The following SMOC1 variants were observed in gnomAD, a reference collection of about 807,000 sequenced individuals.
The protein encoded by SMOC1 is SPARC-related modular calcium-binding protein 1.
A neutral mutation model predicts 56.3 loss-of-function variants in SMOC1; 22 were observed. The ratio of observed to expected loss-of-function variants is 0.39; its 90% CI spans 0.28 to 0.56. SMOC1 has a LOEUF of 0.56. Ranked by LOEUF, SMOC1 falls within the 20% of genes least tolerant of loss-of-function variation. SMOC1 has a pLI of 0.61. For synonymous variants in SMOC1, 193 were observed against 215.0 expected (o/e 0.90, Z 0.89); for missense variants, 509 against 565.4 (o/e 0.90, Z 1.01).
chr14:69,906,336 G>A (rs1289703956), intron 1 of SMOC1, among the ~76,000 whole-genome samples: 1 of 152,194 alleles, frequency 6.6e-6, no homozygotes, highest in Non-Finnish European at 1.5e-5. Context: ...CACTATGTAA[G>A]AATCAGAGGC....
intron 1 of SMOC1, among the ~76,000 whole-genome samples, chr14:69,888,465 C>G (rs894862103): frequency 2.0e-5 from 3 of 152,182 alleles, no homozygotes; most frequent in East Asian, 1.9e-4. Context: ...GGCAGCCTCT[C>G]TAAGACAGGA....
At chr14:70,029,597 G>T (rs184824476) in intron 11 of SMOC1, among the ~76,000 whole-genome samples, 33 of 152,316 alleles carry the variant, frequency 2.2e-4, no homozygotes, top group Non-Finnish European at 3.8e-4. Context: ...AGAGGACAGA[G>T]ACCCAGCATA....
At chr14:70,006,953 C>G (rs1330507689) in intron 7 of SMOC1, among the ~76,000 whole-genome samples, 3 of 152,214 alleles carry the variant, frequency 2.0e-5, no homozygotes, top group Non-Finnish European at 4.4e-5. Flanking sequence ...CTCTAACATT[C>G]TATTGGCCAA....
intron 11 of SMOC1, among the ~76,000 whole-genome samples, chr14:70,025,678 A>G (rs1023903368): frequency 3.9e-5 from 6 of 152,246 alleles, no homozygotes; most frequent in African/African-American, 1.4e-4. Flanking sequence ...CTGGTTGAGC[A>G]TCCCAAATCC....
intron 1 of SMOC1, among the ~76,000 whole-genome samples, chr14:69,919,176 C>T (rs1437552085): frequency 6.6e-6 from 1 of 152,136 alleles, no homozygotes; most frequent in Non-Finnish European, 1.5e-5. Context: ...ATTCCTGTTG[C>T]TGCCTTATAT....
At chr14:69,884,524 G>C (rs769175000) in intron 1 of SMOC1, among the ~76,000 whole-genome samples, 1 of 152,056 alleles carries the variant, frequency 6.6e-6, no homozygotes, top group Non-Finnish European at 1.5e-5. Flanking sequence ...CAAAGTCATG[G>C]AGCTTTCCCC....
chr14:70,017,463 G>A (rs1885558679), intron 10 of SMOC1, among the ~76,000 whole-genome samples: 1 of 152,206 alleles, frequency 6.6e-6, no homozygotes, highest in Non-Finnish European at 1.5e-5. Context: ...GGCAGAGTTG[G>A]GGCTACAGGC....
intron 7 of SMOC1, among the ~76,000 whole-genome samples, chr14:70,001,068 T>C (rs1483656964): frequency 6.6e-6 from 1 of 152,152 alleles, no homozygotes; most frequent in Non-Finnish European, 1.5e-5. Context: ...AGCCTTCCCC[T>C]TAACCCAGCC....
intron 3 of SMOC1, among the ~76,000 whole-genome samples, chr14:69,954,503 G>A (rs1883118296): frequency 1.3e-5 from 2 of 152,206 alleles, no homozygotes; most frequent in Admixed American, 1.3e-4. Context: ...AGGCAATGGT[G>A]GGACAGAAAG....
chr14:69,977,926 A>G lies in SMOC1; in HGVS notation c.487A>G (p.Thr163Ala). 1.2e-6 allele frequency: 2 copies of G among 1,614,078 alleles called. No individual in the cohort carries two copies. The highest frequency in any genetic ancestry group is 1.7e-6 in the Non-Finnish European group (2 of 1,179,924). Residue 163 changes from threonine (T) to alanine (A), a missense_variant, in exon 5 of 12, where the codon ACC becomes GCC. Thr to Ala is a moderately conservative substitution (Grantham distance 58). Transcript: ENST00000361956. Reference sequence around the variant, plus strand: ...TTCCCTTCTCACCCAAGGTTCAGTCACCGACAAGCCCTTGAGCCAGGGTAA... The same window carrying G: ...TTCCCTTCTCACCCAAGGTTCAGTCGCCGACAAGCCCTTGAGCCAGGGTAA... ...NKTPVCSGSV[T>A]DKPLSQGNSG...
At chr14:70,023,515 T>C in intron 11 of SMOC1, 68 bp downstream of exon 11, 3 of 1,603,054 alleles carry the variant, frequency 1.9e-6, no homozygotes, top group Non-Finnish European at 2.6e-6. Flanking sequence ...GACCAAGGGC[T>C]CTCTGATAAA....
chr14:70,030,253 G>C lies in SMOC1; in HGVS notation c.1303G>C (p.Val435Leu), dbSNP rs192204434. ...CTTCCTTCTCTCAGTAGGACGCCTC[G>C]TCTAAGGAGCAGAAAACCCAAGGGC... ...LGVSKEVGRLV is the reference protein window; with the variant it reads ...LGVSKEVGRLL The change falls in exon 12 of 12, where the codon GTC (valine) becomes CTC (leucine). Residue 435 changes from valine to leucine, a missense_variant. By Grantham distance (32) the Val-to-Leu change is conservative. This residue lies in a region of SMOC1 where 176 missense variants were observed against 188.1 expected (regional missense o/e 0.94). Transcript: ENST00000361956. The C allele has an allele frequency of 1.2e-6, 2 of 1,603,922 alleles. No individual in the cohort carries two copies.
chr14:69,995,546 G>A (rs1249527237), intron 7 of SMOC1, among the ~76,000 whole-genome samples: 1 of 152,206 alleles, frequency 6.6e-6, no homozygotes, highest in Admixed American at 6.5e-5. Flanking sequence ...TTAAAGCACA[G>A]GCTTTGGAAT....
At chr14:70,027,139 A>G (rs1203245425) in intron 11 of SMOC1, among the ~76,000 whole-genome samples, 1 of 152,222 alleles carries the variant, frequency 6.6e-6, no homozygotes, top group African/African-American at 2.4e-5. Flanking sequence ...GCCCAGAGCT[A>G]GAAGGCTCTG....
intron 9 of SMOC1, among the ~76,000 whole-genome samples, chr14:70,011,824 G>A (rs570866213): frequency 3.3e-4 from 51 of 152,334 alleles, no homozygotes; most frequent in Admixed American, 5.2e-4. Flanking sequence ...TCCACAATGC[G>A]TTGTCCATCT....
At chr14:69,984,782 A>ACT (rs1884306879) in intron 5 of SMOC1, among the ~76,000 whole-genome samples, 1 of 151,954 alleles carries the variant, frequency 6.6e-6, no homozygotes, top group Admixed American at 6.6e-5. Context: ...ACTTGAACCC[A>ACT]GGAGGTGGAG....
chr14:70,006,988 G>A (rs538095711), intron 7 of SMOC1, among the ~76,000 whole-genome samples: 1 of 152,306 alleles, frequency 6.6e-6, no homozygotes, highest in Non-Finnish European at 1.5e-5. Flanking sequence ...CACGTGGAGG[G>A]GTCCACACAA....
At chr14:70,019,267 G>A (rs930996285) in intron 10 of SMOC1, among the ~76,000 whole-genome samples, 1 of 152,178 alleles carries the variant, frequency 6.6e-6, no homozygotes, top group Non-Finnish European at 1.5e-5. Flanking sequence ...CCAGAGGTAG[G>A]GCAGACACCA....
chr14:69,953,606 G>T (rs774340958), intron 3 of SMOC1, 74 bp downstream of exon 3: 9 of 1,222,064 alleles, frequency 7.4e-6, no homozygotes, highest in African/African-American at 1.5e-5. Flanking sequence ...GAGCGCGAGG[G>T]CTGCTTGGCG....
Sources: gnomAD v4.1 joint callset for allele counts (sites outside exome capture counted in the v4.1 genomes callset) on GRCh38, gnomAD v4.1.1 for gene constraint, gnomAD v4.1.1 regional missense constraint, MANE v1.5 for transcripts, NCBI Gene and HGNC (gene_info 2026-07-23, HGNC 2026-07-21) for gene names.